TTLL5: variants seen among roughly 807,000 people sequenced by gnomAD.
TTLL5 encodes the protein tubulin tyrosine ligase like 5.
A neutral mutation model predicts 168.4 loss-of-function variants in TTLL5; 132 were observed. That is an observed-to-expected ratio of 0.78 (90% confidence interval 0.68 to 0.91). TTLL5 has a LOEUF of 0.91. Ranked by LOEUF, TTLL5 falls within the 40% of genes least tolerant of loss-of-function variation. The probability of loss-of-function intolerance (pLI) is 0.00; values close to 1 mark genes in which losing one functional copy is unlikely to be tolerated. For synonymous variants in TTLL5, 546 were observed against 558.6 expected, an observed-to-expected ratio of 0.98 and a Z score of 0.32; for missense variants, 1,545 against 1,581.5, an observed-to-expected ratio of 0.98 and a Z score of 0.39.
At chr14:75,875,472 T>A (rs1437036185) in intron 29 of TTLL5, among the ~76,000 whole-genome samples, 2 of 149,898 alleles carry the variant, frequency 1.3e-5, no homozygotes, top group Non-Finnish European at 3.0e-5. Context: ...TTGCTTGGAG[T>A]CGGAGGTTGC....
At chr14:75,815,339 T>A (rs1486504132) in intron 27 of TTLL5, among the ~76,000 whole-genome samples, 1 of 152,254 alleles carries the variant, frequency 6.6e-6, no homozygotes, top group Non-Finnish European at 1.5e-5. Context: ...TAGTCTCTCA[T>A]TTAAGTAGCA....
chr14:75,834,067 A>G (rs931549463), intron 28 of TTLL5, among the ~76,000 whole-genome samples: 1 of 152,252 alleles, frequency 6.6e-6, no homozygotes, highest in South Asian at 2.1e-4. Context: ...TGGTTAGTCC[A>G]GTAGGGAAGA....
intron 27 of TTLL5, among the ~76,000 whole-genome samples, chr14:75,817,300 A>G (rs1478294774): frequency 6.6e-6 from 1 of 152,058 alleles, no homozygotes; most frequent in Non-Finnish European, 1.5e-5. Context: ...TTTAGTTAGC[A>G]TATGCCCTTC....
chr14:75,749,787 C>A (rs1371192190), intron 17 of TTLL5, among the ~76,000 whole-genome samples: 6 of 151,996 alleles, frequency 3.9e-5, no homozygotes, highest in Non-Finnish European at 5.9e-5. Flanking sequence ...AACAAATATG[C>A]TATTTTATTA....
At chr14:75,843,892 A>G (rs1041446325) in intron 28 of TTLL5, among the ~76,000 whole-genome samples, 1 of 133,862 alleles carries the variant, frequency 7.5e-6, no homozygotes, top group African/African-American at 3.6e-5. Flanking sequence ...ATTTTATTTT[A>G]TTTTATTTTA....
intron 31 of TTLL5, among the ~76,000 whole-genome samples, chr14:75,934,492 T>C (rs1417319848): frequency 3.9e-5 from 6 of 152,320 alleles, no homozygotes; most frequent in African/African-American, 7.2e-5. Flanking sequence ...TAAAAACTTT[T>C]GACATTTAAG....
chr14:75,724,950 A>G (rs1397485988), intron 12 of TTLL5, among the ~76,000 whole-genome samples: 1 of 152,192 alleles, frequency 6.6e-6, no homozygotes, highest in Non-Finnish European at 1.5e-5. Context: ...CTCTTTAAAG[A>G]TGTTGCTGCT....
In TTLL5 at chr14:75,745,486, C is replaced by G; in HGVS notation, c.1396-4C>G. ...GTACTCATTTTATCTTATTTTTCAT[C>G]TAGATCAAAGTTTTACGAAGGGTGA... is the stretch of plus-strand genomic sequence containing the variant. On this transcript the variant is annotated splice_polypyrimidine_tract_variant and splice_region_variant and intron_variant, in intron 16 of 31. Coordinates refer to ENST00000298832, the MANE Select transcript of TTLL5 (RefSeq NM_015072.5). 6.2e-7 allele frequency: 1 copy of G among 1,613,726 alleles called. No individual in the cohort carries two copies. The highest frequency in any genetic ancestry group is 1.6e-4 in the Middle Eastern group (1 of 6,062).
In TTLL5 at chr14:75,782,686, A is replaced by G; in HGVS notation, c.2602+113A>G. Reference sequence around the variant, plus strand: ...AAGCATGGAACATTACCCCAAAGAAATATTTTTCTTTTTCCTTTTCCCTTA... The same window carrying G: ...AAGCATGGAACATTACCCCAAAGAAGTATTTTTCTTTTTCCTTTTCCCTTA... On this transcript the variant is annotated intron_variant, in intron 25 of 31. Transcript: ENST00000298832. 4 of 874,166 alleles carry G rather than the reference A, an allele frequency of 4.6e-6. No homozygotes were observed. In the South Asian group the frequency reaches 9.1e-5, roughly 20 times the overall value. 54.2% of individuals were successfully genotyped at this position (874,166 alleles called of 1,614,324 possible).
chr14:75,750,300 A>G (rs937195559), intron 17 of TTLL5, among the ~76,000 whole-genome samples: 1 of 151,974 alleles, frequency 6.6e-6, no homozygotes, highest in African/African-American at 2.4e-5. Context: ...GGTGTAGTAC[A>G]GTAGAAAACT....
intron 31 of TTLL5, among the ~76,000 whole-genome samples, chr14:75,945,740 A>G (rs1390954555): frequency 6.6e-6 from 1 of 152,218 alleles, no homozygotes; most frequent in African/African-American, 2.4e-5. Flanking sequence ...AATGGCTAAA[A>G]ATTTTCCACA....
At chr14:75,859,213 G>A (rs868425376) in intron 28 of TTLL5, among the ~76,000 whole-genome samples, 2 of 152,174 alleles carry the variant, frequency 1.3e-5, no homozygotes, top group Non-Finnish European at 2.9e-5. Context: ...CCTAAAACCA[G>A]TATCCATTTG....
chr14:75,731,034 A>T (rs1888500666), intron 12 of TTLL5, among the ~76,000 whole-genome samples: 1 of 152,134 alleles, frequency 6.6e-6, no homozygotes, highest in African/African-American at 2.4e-5. Context: ...TAGGATTCTT[A>T]ATACATCATG....
At chr14:75,931,287 T>C (rs2034267890) in intron 31 of TTLL5, among the ~76,000 whole-genome samples, 1 of 152,140 alleles carries the variant, frequency 6.6e-6, no homozygotes, top group Non-Finnish European at 1.5e-5. Flanking sequence ...ACTGACCTTA[T>C]CATCCTCTCA....
intron 26 of TTLL5, among the ~76,000 whole-genome samples, chr14:75,791,958 G>T (rs554761677): frequency 6.6e-6 from 1 of 151,736 alleles, no homozygotes; most frequent in African/African-American, 2.4e-5. Flanking sequence ...ACACAGGCTG[G>T]AGTGCAGTGG....
chr14:75,874,838 G>A (rs528705536), intron 29 of TTLL5, among the ~76,000 whole-genome samples: 21 of 151,438 alleles, frequency 1.4e-4, no homozygotes, highest in South Asian at 8.4e-4. Context: ...GTGTGTGTGC[G>A]TGCACATGTA....
intron 15 of TTLL5, among the ~76,000 whole-genome samples, chr14:75,738,228 TA>T (rs1487356261): frequency 2.0e-5 from 3 of 152,222 alleles, no homozygotes; most frequent in African/African-American, 7.2e-5. Context: ...TGCACAGATT[TA>T]AAAAATTCTT....
chr14:75,833,253 G>A (rs1034908608), intron 28 of TTLL5, among the ~76,000 whole-genome samples: 3 of 152,138 alleles, frequency 2.0e-5, no homozygotes, highest in Non-Finnish European at 4.4e-5. Flanking sequence ...CATCCAGAAA[G>A]GCTGTTTCAT....
rs535786222 is a variant in TTLL5, at chr14:75,940,038, C to T, written c.3824-14386C>T. 2.0e-5 allele frequency among the ~76,000 whole-genome samples: 3 copies of T among 151,588 alleles called. No individual in the cohort carries two copies. In the South Asian group the frequency reaches 6.3e-4, roughly 32 times the overall value. On this transcript the variant is annotated intron_variant, in intron 31 of 31. Coordinates refer to ENST00000298832, the MANE Select transcript of TTLL5 (RefSeq NM_015072.5). Reference sequence around the variant, plus strand: ...AGCTCGTAGCATTGTTTTACTCTACCACTCTTCATTACCAGAGCTCCCTAT... The same window carrying T: ...AGCTCGTAGCATTGTTTTACTCTACTACTCTTCATTACCAGAGCTCCCTAT...
Sources: allele counts gnomAD v4.1 joint callset (sites outside exome capture counted in the v4.1 genomes callset), GRCh38; gene constraint gnomAD v4.1.1; transcripts MANE v1.5; gene names NCBI Gene and HGNC (gene_info 2026-07-23, HGNC 2026-07-21).